The following SLAMF9 variants were observed in gnomAD, a reference collection of about 807,000 sequenced individuals.
SLAMF9 encodes the protein CD2 family member 10.
In SLAMF9, 25 loss-of-function variants were observed where a neutral mutation model predicts 30.4. That is an observed-to-expected ratio of 0.82 (90% CI 0.60 to 1.15). The LOEUF is 1.15. Among genes scored for constraint, SLAMF9 ranks in the 50% most tolerant of loss-of-function variants. SLAMF9 has a pLI of 0.00. For synonymous variants in SLAMF9, 129 were observed against 127.2 expected, an observed-to-expected ratio of 1.01 and a Z score of -0.09; for missense variants, 344 against 346.1, an observed-to-expected ratio of 0.99 and a Z score of 0.05.
the SLAMF9 span, among the ~76,000 whole-genome samples, chr1:159,965,108 A>G: frequency 2.0e-5 from 3 of 152,220 alleles, no homozygotes; most frequent in African/African-American, 7.2e-5. Flanking sequence ...TTATTTATCA[A>G]GCTTCAATTA....
upstream of SLAMF9, among the ~76,000 whole-genome samples, chr1:159,958,098 T>C (rs768281906): frequency 1.6e-4 from 25 of 152,336 alleles, no homozygotes; most frequent in South Asian, 1.4e-3. Flanking sequence ...ACTGGGACTC[T>C]AGCTGTGCAA....
At chr1:159,974,039 T>TGGCCAGGCTTGGAGGTAC in the SLAMF9 span, 1 of 1,604,796 alleles carries the variant, frequency 6.2e-7, no homozygotes, top group Non-Finnish European at 8.5e-7. Context: ...ACACAGGGTT[T>TGGCCAGGCTTGGAGGTAC]GGCCAGGCTT....
upstream of SLAMF9, among the ~76,000 whole-genome samples, chr1:159,954,961 C>T (rs1385550711): frequency 6.6e-6 from 1 of 151,814 alleles, no homozygotes; most frequent in African/African-American, 2.4e-5. Flanking sequence ...CCCCTGTATG[C>T]CAGCTACTCA....
At chr1:159,963,343 C>T in the SLAMF9 span, among the ~76,000 whole-genome samples, 1 of 152,176 alleles carries the variant, frequency 6.6e-6, no homozygotes, top group African/African-American at 2.4e-5. Context: ...TAACATAAGA[C>T]ACGAGAATAG....
the SLAMF9 span, chr1:159,973,182 C>T: frequency 3.3e-6 from 5 of 1,516,266 alleles, no homozygotes; most frequent in African/African-American, 1.4e-5. Context: ...CCAGGCTGAC[C>T]TCAGGGGGTG....
At chr1:159,979,659 CTT>C in the SLAMF9 span, among the ~76,000 whole-genome samples, 575 of 143,154 alleles carry the variant, frequency 4.0e-3, 6 homozygotes, top group African/African-American at 0.011. Context: ...GTAAGGCAAT[CTT>C]TTTTTTTTTT....
the SLAMF9 span, among the ~76,000 whole-genome samples, chr1:159,974,297 C>T: frequency 6.6e-6 from 1 of 152,202 alleles, no homozygotes; most frequent in African/African-American, 2.4e-5. Flanking sequence ...CCATCTGCCT[C>T]TATCCTTTCC....
chr1:159,966,720 C>T, the SLAMF9 span, among the ~76,000 whole-genome samples: 3 of 152,090 alleles, frequency 2.0e-5, no homozygotes, highest in South Asian at 6.2e-4. Flanking sequence ...GATTACTGAT[C>T]CTGAGCATTT....
the SLAMF9 span, chr1:159,983,634 G>C: frequency 6.6e-6 from 1 of 152,208 alleles, no homozygotes; most frequent in Non-Finnish European, 1.5e-5. Flanking sequence ...TTGCTTGAGA[G>C]GTCAAGCTTA....
chr1:159,973,742 G>A, the SLAMF9 span: 1 of 1,521,056 alleles, frequency 6.6e-7, no homozygotes, highest in African/African-American at 1.4e-5. Flanking sequence ...GATCTCTAGA[G>A]ACGGGACCCC....
chr1:159,976,968 A>AAG, the SLAMF9 span: 1 of 45,078 alleles, frequency 2.2e-5, no homozygotes, highest in Admixed American at 3.2e-4. Context: ...AAGAGAAAGA[A>AAG]AGAAGGAAAG....
chr1:159,978,218 C>G, the SLAMF9 span, among the ~76,000 whole-genome samples: 1 of 152,034 alleles, frequency 6.6e-6, no homozygotes, highest in African/African-American at 2.4e-5. Flanking sequence ...CCAGGTGAGA[C>G]CTCAGTGACA....
chr1:159,973,498 A>AG, the SLAMF9 span, among the ~76,000 whole-genome samples: 38 of 152,288 alleles, frequency 2.5e-4, no homozygotes, highest in African/African-American at 8.4e-4. Context: ...TCAGAGGCAG[A>AG]GGGGGCCTTC....
chr1:159,954,024 G>C (rs1651865822), intron 1 of SLAMF9, 68 bp downstream of exon 1: 1 of 1,595,200 alleles, frequency 6.3e-7, no homozygotes, highest in Admixed American at 1.7e-5. Flanking sequence ...TACTGGCCCA[G>C]ACCCAGTGGG....
the SLAMF9 span, among the ~76,000 whole-genome samples, chr1:159,980,201 T>C: frequency 2.8e-4 from 42 of 152,296 alleles, no homozygotes; most frequent in Middle Eastern, 3.4e-3. Flanking sequence ...GAGGGACTTC[T>C]GGGCTGCAGG....
At chr1:159,974,086 C>A in the SLAMF9 span, 1 of 1,545,222 alleles carries the variant, frequency 6.5e-7, no homozygotes, top group Non-Finnish European at 8.9e-7. Flanking sequence ...AGGAACAGGG[C>A]AGCCCTGGAG....
chr1:159,972,885 C>A, the SLAMF9 span: 1 of 992,244 alleles, frequency 1.0e-6, no homozygotes, highest in Non-Finnish European at 1.4e-6. Context: ...CCACCCAAGA[C>A]CCTGGCTCCC....
the SLAMF9 span, among the ~76,000 whole-genome samples, chr1:159,970,963 G>T: frequency 6.6e-6 from 1 of 152,170 alleles, no homozygotes. Context: ...TTCCCATGGG[G>T]TTAGGACAAG....
chr1:159,963,779 G>A, the SLAMF9 span, among the ~76,000 whole-genome samples: 1 of 152,064 alleles, frequency 6.6e-6, no homozygotes, highest in Admixed American at 6.6e-5. Flanking sequence ...TGCTTATTTG[G>A]GCCAGGCGCA....
Sources: gnomAD v4.1 joint callset for allele counts (sites outside exome capture counted in the v4.1 genomes callset) on GRCh38, gnomAD v4.1.1 for gene constraint, MANE v1.5 for transcripts, NCBI Gene and HGNC (gene_info 2026-07-23, HGNC 2026-07-21) for gene names.